TEX9: variants seen among roughly 807,000 people sequenced by gnomAD.
TEX9 encodes testis expressed 9.
A neutral mutation model predicts 59.6 loss-of-function variants in TEX9; 74 were observed. That is an observed-to-expected ratio of 1.24 (90% CI 1.03 to 1.51). The LOEUF (loss-of-function observed/expected upper bound fraction) is 1.51, where lower values mean the gene tolerates loss of function less well. TEX9 is among the 40% of genes most tolerant of loss of function. The pLI, the probability that TEX9 is intolerant of heterozygous loss-of-function variation, is 0.00. For missense variants in TEX9, 522 were observed against 447.8 expected, an observed-to-expected ratio of 1.17 and a Z score of -1.49; for synonymous variants, 186 against 152.2, an observed-to-expected ratio of 1.22 and a Z score of -1.64.
intron 2 of TEX9, among the ~76,000 whole-genome samples, chr15:56,367,771 T>C (rs1467576213): frequency 6.6e-6 from 1 of 152,214 alleles, no homozygotes; most frequent in Non-Finnish European, 1.5e-5. Flanking sequence ...TATAATTTGC[T>C]TCAAGGTACT....
chr15:56,449,358 TG>T (rs1411789073), downstream of TEX9, among the ~76,000 whole-genome samples: 1 of 150,510 alleles, frequency 6.6e-6, no homozygotes, highest in African/African-American at 2.5e-5. Context: ...TTCATATCAA[TG>T]GGCTTTTTCT....
At chr15:56,257,783 CTTTAG>C (rs2044177602) in intron 1 of TEX9, among the ~76,000 whole-genome samples, 1 of 152,070 alleles carries the variant, frequency 6.6e-6, no homozygotes, top group Non-Finnish European at 1.5e-5. Flanking sequence ...TGCAGAGGCT[CTTTAG>C]TTTAATTAGA....
At chr15:56,415,918 C>T (rs975414483) in intron 10 of TEX9, among the ~76,000 whole-genome samples, 3 of 151,564 alleles carry the variant, frequency 2.0e-5, no homozygotes, top group African/African-American at 4.9e-5. Flanking sequence ...AGCAGTGTTT[C>T]GTAATTCTCA....
At chr15:56,346,901 G>T (rs56319062) in intron 1 of TEX9, among the ~76,000 whole-genome samples, 2 of 151,926 alleles carry the variant, frequency 1.3e-5, no homozygotes, top group Non-Finnish European at 2.9e-5. Flanking sequence ...CAAGATAAAC[G>T]TACAAAAGAA....
chr15:56,456,552 C>T, the TEX9 span: 1 of 1,591,848 alleles, frequency 6.3e-7, no homozygotes, highest in African/African-American at 1.4e-5. Context: ...CGTTGTTTGT[C>T]CTCTAGAATC....
intron 7 of TEX9, among the ~76,000 whole-genome samples, chr15:56,392,369 G>C: frequency 6.6e-6 from 1 of 152,052 alleles, no homozygotes; most frequent in East Asian, 1.9e-4. Context: ...CACACGGTGG[G>C]ATCACGAACA....
chr15:56,246,893 G>T (rs537225754), intron 1 of TEX9, among the ~76,000 whole-genome samples: 2 of 152,098 alleles, frequency 1.3e-5, no homozygotes, highest in Admixed American at 1.3e-4. Context: ...AAATAATGAT[G>T]TACATCAGAG....
intron 1 of TEX9, among the ~76,000 whole-genome samples, chr15:56,306,477 G>T (rs754469592): frequency 1.1e-4 from 16 of 152,092 alleles, no homozygotes; most frequent in Admixed American, 2.6e-4. Context: ...TGGAACTGAG[G>T]TTTATTATGT....
chr15:56,422,495 T>C (rs1276511313), intron 10 of TEX9, among the ~76,000 whole-genome samples: 1 of 151,818 alleles, frequency 6.6e-6, no homozygotes, highest in Non-Finnish European at 1.5e-5. Flanking sequence ...TTTCAGCATT[T>C]GTTATATATA....
intron 2 of TEX9, among the ~76,000 whole-genome samples, chr15:56,372,733 G>A (rs1437843349): frequency 6.6e-6 from 1 of 152,082 alleles, no homozygotes; most frequent in Non-Finnish European, 1.5e-5. Context: ...GGATGGTGGT[G>A]GTAGGATTAT....
intron 12 of TEX9, among the ~76,000 whole-genome samples, chr15:56,437,564 G>T (rs2050748899): frequency 6.6e-6 from 1 of 152,160 alleles, no homozygotes; most frequent in African/African-American, 2.4e-5. Context: ...ACAAGACAGG[G>T]ATGCCCTCTC....
chr15:56,270,615 G>A (rs1238960127), intron 1 of TEX9, among the ~76,000 whole-genome samples: 1 of 152,058 alleles, frequency 6.6e-6, no homozygotes, highest in East Asian at 1.9e-4. Flanking sequence ...TTTTAATTGG[G>A]GGCATTTAGC....
intron 1 of TEX9, among the ~76,000 whole-genome samples, chr15:56,322,410 C>T (rs2045922659): frequency 6.6e-6 from 1 of 152,100 alleles, no homozygotes; most frequent in African/African-American, 2.4e-5. Context: ...TTAAGAAAAC[C>T]ATCGTGGTCA....
At chr15:56,446,445 A>G (rs1191528793), downstream of TEX9, among the ~76,000 whole-genome samples, 1 of 152,038 alleles carries the variant, frequency 6.6e-6, no homozygotes, top group Non-Finnish European at 1.5e-5. Flanking sequence ...TGGCTTTTAT[A>G]AAACTGGAAA....
intron 12 of TEX9, among the ~76,000 whole-genome samples, chr15:56,442,421 A>G (rs1271333317): frequency 5.9e-5 from 9 of 152,224 alleles, no homozygotes; most frequent in Non-Finnish European, 2.9e-5. Context: ...TCATTTTACC[A>G]TAATGACACA....
chr15:56,441,976 C>T (rs573577279), intron 12 of TEX9, among the ~76,000 whole-genome samples: 44 of 152,024 alleles, frequency 2.9e-4, no homozygotes, highest in African/African-American at 8.9e-4. Flanking sequence ...GCCGAGATCA[C>T]GCCACTGCAC....
At chr15:56,317,172 T>TC (rs1295881821) in intron 1 of TEX9, among the ~76,000 whole-genome samples, 1 of 152,192 alleles carries the variant, frequency 6.6e-6, no homozygotes, top group Non-Finnish European at 1.5e-5. Context: ...TCTTGGCTCC[T>TC]CCCCCCTTGT....
chr15:56,349,114 G>A (rs563932388), intron 1 of TEX9, among the ~76,000 whole-genome samples: 1 of 152,098 alleles, frequency 6.6e-6, no homozygotes, highest in Non-Finnish European at 1.5e-5. Flanking sequence ...GTCTTCTCAA[G>A]GTCAGTCTCT....
chr15:56,452,417 G>A, the TEX9 span, among the ~76,000 whole-genome samples: 1 of 152,098 alleles, frequency 6.6e-6, no homozygotes, highest in East Asian at 1.9e-4. Flanking sequence ...TTCTTATTGG[G>A]GGTGGTAACT....
Sources: allele counts gnomAD v4.1 joint callset (sites outside exome capture counted in the v4.1 genomes callset), GRCh38; gene constraint gnomAD v4.1.1; transcripts MANE v1.5; gene names NCBI Gene and HGNC (gene_info 2026-07-23, HGNC 2026-07-21).